The following RELL1 variants were observed in gnomAD, a reference collection of about 807,000 sequenced individuals.
The protein encoded by RELL1 is RELT-like protein 1.
In RELL1, 10 loss-of-function variants were observed where a neutral mutation model predicts 23.0. The observed-to-expected ratio is 0.43, with a 90% CI of 0.27 to 0.74. The LOEUF (loss-of-function observed/expected upper bound fraction) is 0.74. RELL1 is among the 30% of genes least tolerant of loss of function. The probability of loss-of-function intolerance (pLI) is 0.19; values close to 1 mark genes in which losing one functional copy is unlikely to be tolerated. For synonymous variants in RELL1, 146 were observed against 146.8 expected (o/e 0.99, Z 0.04); for missense variants, 315 against 364.4 (o/e 0.86, Z 1.10).
intron 6 of RELL1, among the ~76,000 whole-genome samples, chr4:37,600,130 C>T (rs2940991): frequency 0.17 from 26,308 of 151,932 alleles, 2,820 homozygotes; most frequent in Non-Finnish European, 0.24. Flanking sequence ...ATTAGCCAGG[C>T]GTGGTGGTGC....
intron 6 of RELL1, among the ~76,000 whole-genome samples, chr4:37,624,418 CTTTTTTTT>C (rs35118296): frequency 9.0e-6 from 1 of 111,372 alleles, no homozygotes; most frequent in South Asian, 3.1e-4. Flanking sequence ...TTCTTTCTTT[CTTTTTTTT>C]TTTTTTTTTT....
intron 6 of RELL1, among the ~76,000 whole-genome samples, chr4:37,604,842 C>CACACAG (rs1719127476): frequency 2.6e-5 from 3 of 114,358 alleles, no homozygotes; most frequent in Admixed American, 1.7e-4. Context: ...TACACACAGA[C>CACACAG]ACACACACAG....
At chr4:37,644,778 T>C (rs1008915625) in intron 3 of RELL1, among the ~76,000 whole-genome samples, 1 of 152,092 alleles carries the variant, frequency 6.6e-6, no homozygotes, top group Non-Finnish European at 1.5e-5. Context: ...GAAGAATTTA[T>C]TGAGTTAATG....
rs183918771 is a variant in RELL1 at position 37,613,829 on chromosome 4, G to A, written c.*4-487C>T. Among the ~76,000 whole-genome samples the A allele has an allele frequency of 2.6e-5, 4 of 152,254 alleles. No homozygotes were observed. In the East Asian group the frequency reaches 5.8e-4, roughly 22 times the overall value. On this transcript the variant is annotated intron_variant, in intron 6 of 6. Coordinates refer to ENST00000454158, the MANE Select transcript of RELL1 (RefSeq NM_001085400.2). ...ACAACTGGCCCTTGTCAATGTCTAC[G>A]TTTACATCACAAACAAAGGCCCATA...
intron 1 of RELL1, among the ~76,000 whole-genome samples, chr4:37,669,206 T>C (rs1158799182): frequency 5.0e-4 from 50 of 99,912 alleles, no homozygotes; most frequent in African/African-American, 2.3e-3. Flanking sequence ...GCCCCCTGCC[T>C]GGCCAGCCGC....
chr4:37,676,376 T>C (rs1056919253), intron 1 of RELL1, among the ~76,000 whole-genome samples: 1 of 152,202 alleles, frequency 6.6e-6, no homozygotes, highest in Non-Finnish European at 1.5e-5. Flanking sequence ...TGGTTTTGAA[T>C]AGTATAAAGT....
intron 1 of RELL1, among the ~76,000 whole-genome samples, chr4:37,670,056 T>TA (rs537851204): frequency 0.013 from 1,330 of 98,678 alleles, 21 homozygotes; most frequent in African/African-American, 0.039. Context: ...TAAATAAATA[T>TA]AAAAAAAAAA....
intron 6 of RELL1, among the ~76,000 whole-genome samples, chr4:37,615,102 C>T (rs1719533770): frequency 6.6e-6 from 1 of 152,158 alleles, no homozygotes; most frequent in African/African-American, 2.4e-5. Context: ...ATGCACAACG[C>T]TTAATACGAG....
intron 3 of RELL1, among the ~76,000 whole-genome samples, chr4:37,644,438 T>TTATTTATTTA (rs139479970): frequency 7.3e-6 from 1 of 137,810 alleles, no homozygotes; most frequent in Non-Finnish European, 1.5e-5. Flanking sequence ...TTATTTTTAT[T>TTATTTATTTA]TTTATTTATT....
At chr4:37,634,180 T>C (rs905521411) in intron 5 of RELL1, among the ~76,000 whole-genome samples, 2 of 152,212 alleles carry the variant, frequency 1.3e-5, no homozygotes, top group South Asian at 2.1e-4. Context: ...ACCTCACATA[T>C]GGGTCACAAG....
intron 6 of RELL1, among the ~76,000 whole-genome samples, chr4:37,622,172 C>A (rs1043325758): frequency 6.6e-6 from 1 of 152,174 alleles, no homozygotes; most frequent in East Asian, 1.9e-4. Flanking sequence ...AGTCAGGGAA[C>A]CACAGAACCT....
At chr4:37,642,948 C>T (rs1001004778) in intron 3 of RELL1, among the ~76,000 whole-genome samples, 4 of 152,232 alleles carry the variant, frequency 2.6e-5, no homozygotes, top group Non-Finnish European at 5.9e-5. Flanking sequence ...CTATGCATCT[C>T]TTCTATTTTG....
At chr4:37,591,688 G>C (rs1311161183) in intron 6 of RELL1, 1 of 152,174 alleles carries the variant, frequency 6.6e-6, no homozygotes, top group East Asian at 1.9e-4. Context: ...CTTTGGGATT[G>C]GGGAGGCTGG....
intron 6 of RELL1, among the ~76,000 whole-genome samples, chr4:37,600,250 A>C (rs1414920605): frequency 6.8e-6 from 1 of 146,130 alleles, no homozygotes; most frequent in African/African-American, 2.6e-5. Context: ...AGCCTGGGTG[A>C]CAGAGCGAGA....
intron 1 of RELL1, among the ~76,000 whole-genome samples, chr4:37,654,494 T>C (rs534184067): frequency 1.0e-3 from 154 of 152,364 alleles, no homozygotes; most frequent in Non-Finnish European, 2.0e-3. Context: ...TCATACATAA[T>C]GTCTAAAACA....
At chr4:37,598,767 C>T (rs1465795808) in intron 6 of RELL1, among the ~76,000 whole-genome samples, 1 of 152,116 alleles carries the variant, frequency 6.6e-6, no homozygotes, top group African/African-American at 2.4e-5. Context: ...TCACTATAAC[C>T]TCTGCCTCCC....
At chr4:37,668,509 C>T (rs1035885200) in intron 1 of RELL1, among the ~76,000 whole-genome samples, 3 of 151,922 alleles carry the variant, frequency 2.0e-5, no homozygotes, top group Non-Finnish European at 2.9e-5. Context: ...GAGTCTCCTT[C>T]ACTCAGTGCT....
In RELL1 at chr4:37,660,757, C is replaced by T. The variant is rs191924501; in HGVS notation, c.89-11257G>A. Among the ~76,000 whole-genome samples, 46 of 152,270 alleles carry T rather than the reference C, an allele frequency of 3.0e-4. 1 individual carries two copies. Among genetic ancestry groups the T allele is most frequent in the Middle Eastern group, 3.4e-3 (1 of 294 alleles). On this transcript the variant is annotated intron_variant, in intron 1 of 6. Transcript: ENST00000454158. Reference sequence around the variant, plus strand: ...GGTTAAAAACTGTTAAGAGGCCGGGCGCGGTGGCTCACGCCTGTAATCCCA... The same window carrying T: ...GGTTAAAAACTGTTAAGAGGCCGGGTGCGGTGGCTCACGCCTGTAATCCCA...
At chr4:37,629,134 T>A (rs1371122436) in intron 6 of RELL1, among the ~76,000 whole-genome samples, 1 of 152,232 alleles carries the variant, frequency 6.6e-6, no homozygotes, top group Non-Finnish European at 1.5e-5. Flanking sequence ...CCAGGTCTTC[T>A]GGTGCAATCG....
Sources: allele counts gnomAD v4.1 joint callset (sites outside exome capture counted in the v4.1 genomes callset), GRCh38; gene constraint gnomAD v4.1.1; transcripts MANE v1.5; gene names NCBI Gene and HGNC (gene_info 2026-07-23, HGNC 2026-07-21).